PTP4A2: variants seen among roughly 807,000 people sequenced by gnomAD.
The protein encoded by PTP4A2 is protein tyrosine phosphatase type IVA 2.
In PTP4A2, 2 loss-of-function variants were observed where a neutral mutation model predicts 22.9. The observed-to-expected ratio is 0.09, with a 90% CI of 0.04 to 0.27. PTP4A2 has a LOEUF of 0.27. Ranked by LOEUF, PTP4A2 falls within the 10% of genes least tolerant of loss-of-function variation. The probability of loss-of-function intolerance (pLI) is 1.00; values close to 1 mark genes in which losing one functional copy is unlikely to be tolerated. For synonymous variants in PTP4A2, 68 were observed against 69.1 expected, an observed-to-expected ratio of 0.98 and a Z score of 0.08; for missense variants, 103 against 205.1, an observed-to-expected ratio of 0.50 and a Z score of 3.04.
At chr1:31,923,051 C>A (rs1417884315) in intron 1 of PTP4A2, among the ~76,000 whole-genome samples, 5 of 151,744 alleles carry the variant, frequency 3.3e-5, no homozygotes, top group Non-Finnish European at 1.5e-5. Context: ...CCTGCCTCAG[C>A]CTCCCAAGTA....
intron 1 of PTP4A2, among the ~76,000 whole-genome samples, chr1:31,928,912 G>A (rs1471285991): frequency 6.6e-6 from 1 of 151,974 alleles, no homozygotes; most frequent in Non-Finnish European, 1.5e-5. Context: ...GAAAGATAAG[G>A]GAAGCAATTA....
intron 2 of PTP4A2, among the ~76,000 whole-genome samples, chr1:31,917,993 G>A (rs964396425): frequency 4.1e-5 from 6 of 147,908 alleles, no homozygotes; most frequent in African/African-American, 1.5e-4. Context: ...GCTCATGCCT[G>A]TAATCCCAGC....
chr1:31,918,219 A>T (rs1489271139), intron 2 of PTP4A2, among the ~76,000 whole-genome samples: 1 of 152,012 alleles, frequency 6.6e-6, no homozygotes, highest in Non-Finnish European at 1.5e-5. Flanking sequence ...ACTGCACTCC[A>T]GCCTGGCGAA....
At position 31,928,696 on chromosome 1, in the gene PTP4A2, CAA is replaced by C. The variant is rs1162186046; in HGVS notation, c.-593-9040_-593-9039del. Among the ~76,000 whole-genome samples, 265 of 57,282 alleles carry C rather than the reference CAA, an allele frequency of 4.6e-3. 1 individual carries two copies. In the South Asian group the frequency reaches 0.048, roughly 10 times the overall value. 37.6% of individuals were successfully genotyped at this position (57,282 alleles called of 152,430 possible). On this transcript the variant is annotated intron_variant, in intron 1 of 5. Transcript: ENST00000647444. ...TGGGTGACAGAGTGAAACTCTGTCT[CAA>C]AAAAAAAAAAAAAAAAAAAAAATTT... is the stretch of plus-strand genomic sequence containing the variant.
intron 1 of PTP4A2, chr1:31,932,969 T>A (rs1391007822): frequency 6.6e-6 from 1 of 151,960 alleles, no homozygotes; most frequent in African/African-American, 2.4e-5. Flanking sequence ...TATACGTAGT[T>A]AATAGTTCAA....
At chr1:31,930,564 G>A (rs1233036457) in intron 1 of PTP4A2, among the ~76,000 whole-genome samples, 2 of 152,156 alleles carry the variant, frequency 1.3e-5, no homozygotes, top group Non-Finnish European at 2.9e-5. Flanking sequence ...CCCCAGAAAT[G>A]TTTCTGCTGT....
At chr1:31,930,143 C>T (rs571410272) in intron 1 of PTP4A2, among the ~76,000 whole-genome samples, 77 of 152,110 alleles carry the variant, frequency 5.1e-4, no homozygotes, top group Non-Finnish European at 9.9e-4. Flanking sequence ...TCGAGACCAT[C>T]CTGGCTAACA....
In PTP4A2 at chr1:31,926,148, A is replaced by AT. The variant is rs1460230088; in HGVS notation, c.-593-6491_-593-6490insA. Among the ~76,000 whole-genome samples the AT allele has an allele frequency of 3.8e-3, 524 of 138,388 alleles. 2 individuals carry two copies. Among genetic ancestry groups the AT allele is most frequent in the African/African-American group, 0.012 (435 of 36,330 alleles). 90.8% of individuals were successfully genotyped at this position (138,388 alleles called of 152,430 possible). On this transcript the variant is annotated intron_variant, in intron 1 of 5. Coordinates refer to ENST00000647444, the MANE Select transcript of PTP4A2 (RefSeq NM_080391.4). ...GTTTCAAAAAATTAAAAAAAAAAAA[A>AT]AATATATATATATATATATATTTAT...
intron 1 of PTP4A2, among the ~76,000 whole-genome samples, chr1:31,925,034 ATG>A (rs1217987408): frequency 1.3e-5 from 2 of 152,244 alleles, no homozygotes; most frequent in Non-Finnish European, 2.9e-5. Context: ...GCTTAGAAAT[ATG>A]TGTGAGTACT....
intron 3 of PTP4A2, chr1:31,915,660 A>C (rs1651791130): frequency 3.1e-6 from 1 of 320,926 alleles, no homozygotes; most frequent in African/African-American, 2.2e-5. Flanking sequence ...TCACCTCAAA[A>C]ACCCAAGTAG....
chr1:31,929,470 A>G (rs1652626874), intron 1 of PTP4A2, among the ~76,000 whole-genome samples: 1 of 152,198 alleles, frequency 6.6e-6, no homozygotes, highest in Non-Finnish European at 1.5e-5. Context: ...GTTTATGTTT[A>G]AAGACTTCAG....
Position 31,908,851 on chromosome 1 carries a change from TC to T in PTP4A2, c.504del (p.Ter168=), listed in dbSNP as rs761612470. On this transcript the variant is annotated frameshift_variant and stop_lost, in exon 6 of 6. Coordinates refer to ENST00000647444, the MANE Select transcript of PTP4A2 (RefSeq NM_080391.4). LOFTEE classifies it high-confidence loss of function. ...RDTNGHCCVQ[*>X] is the part of the protein sequence containing the mutation. ...AAGTCAGCCTTCGTTTACATTTCCT[TC>T]TACTGAACACAGCAATGCCCATTGG... 2 of 1,605,686 alleles carry T rather than the reference TC, an allele frequency of 1.2e-6. No homozygotes were observed. Among genetic ancestry groups the T allele is most frequent in the East Asian group, 4.5e-5 (2 of 44,806 alleles).
At chr1:31,910,857 G>C (rs896786595) in intron 4 of PTP4A2, 5 of 152,162 alleles carry the variant, frequency 3.3e-5, no homozygotes, top group Admixed American at 3.3e-4. Flanking sequence ...AAATCCTTTT[G>C]ATGAGCTAGG....
intron 4 of PTP4A2, chr1:31,910,513 C>T (rs185530316): frequency 3.6e-4 from 57 of 157,126 alleles, no homozygotes; most frequent in Admixed American, 2.6e-3. Flanking sequence ...CCAGTCTGCT[C>T]TTGAACTCCT....
intron 1 of PTP4A2, among the ~76,000 whole-genome samples, chr1:31,929,261 C>T (rs933325149): frequency 1.3e-5 from 2 of 152,152 alleles, no homozygotes; most frequent in Admixed American, 6.5e-5. Context: ...CTATGGCCAA[C>T]GCCGACTTTC....
At chr1:31,917,005 T>C (rs1651882108) in intron 2 of PTP4A2, among the ~76,000 whole-genome samples, 1 of 152,248 alleles carries the variant, frequency 6.6e-6, no homozygotes, top group Admixed American at 6.5e-5. Context: ...CTAATGCAGT[T>C]ATAGCCAGAA....
chr1:31,909,051 A>G, intron 5 of PTP4A2, 91 bp from the exon 6 acceptor site: 1 of 909,036 alleles, frequency 1.1e-6, no homozygotes, highest in Non-Finnish European at 1.8e-6. Flanking sequence ...AGCCTTTCTA[A>G]TTCCACACAG....
At chr1:31,933,187 A>C (rs677429) in intron 1 of PTP4A2, 22,689 of 151,930 alleles carry the variant, frequency 0.15, 2,146 homozygotes, top group East Asian at 0.37. Context: ...TTTTTTGTAG[A>C]GATGTTGTCT....
In PTP4A2 at chr1:31,923,620, C is replaced by G. The variant is rs922518373; in HGVS notation, c.-593-3962G>C. ...AAGTGCTGGGATTACAGGCGTGAGC[C>G]ACCGCGCCCAGCCTGCCTCAACCTC... On this transcript the variant is annotated intron_variant, in intron 1 of 5. Transcript: ENST00000647444. Among the ~76,000 whole-genome samples the G allele has an allele frequency of 5.3e-5, 8 of 152,028 alleles. 1 individual carries two copies. Among genetic ancestry groups the G allele is most frequent in the African/African-American group, 1.9e-4 (8 of 41,368 alleles).
Sources: gnomAD v4.1 joint callset for allele counts (sites outside exome capture counted in the v4.1 genomes callset) on GRCh38, gnomAD v4.1.1 for gene constraint, MANE v1.5 for transcripts, NCBI Gene and HGNC (gene_info 2026-07-23, HGNC 2026-07-21) for gene names.